Variants in SEMA3A observed in about 807,000 individuals in gnomAD.
SEMA3A encodes the protein semaphorin-3A.
Under a neutral mutation model 97.9 loss-of-function variants are expected in SEMA3A, and 29 were observed. That is an observed-to-expected ratio of 0.30 (90% CI 0.22 to 0.40). The LOEUF (loss-of-function observed/expected upper bound fraction) is 0.40, where lower values mean the gene tolerates loss of function less well. Ranked by LOEUF, SEMA3A falls within the 10% of genes least tolerant of loss-of-function variation. SEMA3A has a pLI of 1.00. For synonymous variants in SEMA3A, 321 were observed against 323.7 expected (o/e 0.99, Z 0.09); for missense variants, 763 against 951.3 (o/e 0.80, Z 2.60).
intron 3 of SEMA3A, among the ~76,000 whole-genome samples, chr7:84,288,309 T>G (rs139282198): frequency 5.9e-5 from 9 of 152,276 alleles, no homozygotes; most frequent in Non-Finnish European, 8.8e-5. Flanking sequence ...TTAAACGAAT[T>G]AAATTTATGC....
rs868749359 is a variant in SEMA3A at position 83,993,221 on chromosome 7, G to A, written c.1453-7744C>T. On this transcript the variant is annotated intron_variant, in intron 12 of 16. Transcript: ENST00000265362. ...TGAGCGTATGTGTGTCTCTGCACGT[G>A]AGATGGGTGTCCTGAATACAGCACA... Among the ~76,000 whole-genome samples, 160 of 97,922 alleles carry A rather than the reference G, an allele frequency of 1.6e-3. 1 individual carries two copies. The highest frequency in any genetic ancestry group is 1.8e-3 in the Non-Finnish European group (86 of 46,792). 64.2% of individuals were successfully genotyped at this position (97,922 alleles called of 152,430 possible).
intron 4 of SEMA3A, among the ~76,000 whole-genome samples, chr7:84,102,674 G>A (rs1016233868): frequency 1.4e-5 from 2 of 143,940 alleles, no homozygotes; most frequent in South Asian, 2.2e-4. Flanking sequence ...TCGGCCTCCC[G>A]GGTTCAAGCA....
chr7:84,400,232 A>G lies in SEMA3A; in HGVS notation c.-245-28332T>C, dbSNP rs145921038. On this transcript the variant is annotated intron_variant, in intron 1 of 3. Coordinates refer to the SEMA3A transcript ENST00000424555. ...AATAGTCTTCAATGCCCAGACATCA[A>G]TGAATGTCCACAAGCATCAAGGACG... Among the ~76,000 whole-genome samples, 7 of 152,296 alleles carry G rather than the reference A, an allele frequency of 4.6e-5. No individual in the cohort carries two copies. The South Asian group carries it at 6.2e-4, about 14-fold the overall frequency.
At chr7:84,302,159 G>A (rs1222140285) in intron 3 of SEMA3A, among the ~76,000 whole-genome samples, 1 of 151,934 alleles carries the variant, frequency 6.6e-6, no homozygotes, top group Non-Finnish European at 1.5e-5. Context: ...TAAATTATTT[G>A]CTAAGTGAAA....
intron 1 of SEMA3A, among the ~76,000 whole-genome samples, chr7:84,373,140 A>T (rs1803012270): frequency 6.6e-6 from 1 of 152,182 alleles, no homozygotes; most frequent in Admixed American, 6.6e-5. Flanking sequence ...GCCCCAGCCA[A>T]GCCCAGACTA....
Position 84,043,335 on chromosome 7 carries a change from T to TA in SEMA3A, c.667+2988dup, listed in dbSNP as rs1006565814. Reference sequence around the variant, plus strand: ...TTATGAAAGTAGTGAAACTCCATTTTAAAAAATCAAGATATTTCAAGTTAC... The same window carrying TA: ...TTATGAAAGTAGTGAAACTCCATTTTAAAAAAATCAAGATATTTCAAGTTAC... On this transcript the variant is annotated intron_variant, in intron 6 of 16. Coordinates refer to ENST00000265362, the MANE Select transcript of SEMA3A (RefSeq NM_006080.3). 2.0e-5 allele frequency among the ~76,000 whole-genome samples: 3 copies of TA among 152,060 alleles called. No homozygotes were observed. In the East Asian group the frequency reaches 5.8e-4, roughly 29 times the overall value.
chr7:84,318,728 C>A (rs998605311), intron 2 of SEMA3A, among the ~76,000 whole-genome samples: 3 of 152,116 alleles, frequency 2.0e-5, no homozygotes, highest in Admixed American at 6.5e-5. Context: ...TATTTTTCAA[C>A]AGCCACTCTT....
At chr7:84,174,826 T>C (rs868180944) in intron 1 of SEMA3A, among the ~76,000 whole-genome samples, 3 of 152,216 alleles carry the variant, frequency 2.0e-5, no homozygotes, top group African/African-American at 7.2e-5. Context: ...CAGAAGATTT[T>C]AGGTGTTGTT....
chr7:84,394,879 G>T (rs1010759099), intron 1 of SEMA3A, among the ~76,000 whole-genome samples: 1 of 152,046 alleles, frequency 6.6e-6, no homozygotes, highest in Non-Finnish European at 1.5e-5. Context: ...ATTCACAAAG[G>T]TTAGAAACAG....
intron 7 of SEMA3A, among the ~76,000 whole-genome samples, chr7:84,013,395 C>A (rs17158507): frequency 0.13 from 19,934 of 152,038 alleles, 1,624 homozygotes; most frequent in East Asian, 0.37. Flanking sequence ...AGTGAAATAC[C>A]TCAGATAGTT....
chr7:84,105,633 G>A (rs570034587), intron 4 of SEMA3A, among the ~76,000 whole-genome samples: 10 of 152,018 alleles, frequency 6.6e-5, no homozygotes, highest in African/African-American at 2.2e-4. Flanking sequence ...AAGTAGAAAA[G>A]ACCCATTTGG....
At chr7:84,387,734 A>C (rs1190259360) in intron 1 of SEMA3A, among the ~76,000 whole-genome samples, 1 of 152,200 alleles carries the variant, frequency 6.6e-6, no homozygotes, top group Non-Finnish European at 1.5e-5. Context: ...AAAGAAACAG[A>C]TCTCTTTAAA....
intron 2 of SEMA3A, among the ~76,000 whole-genome samples, chr7:84,311,177 G>A (rs1434180858): frequency 6.6e-6 from 1 of 151,796 alleles, no homozygotes; most frequent in Non-Finnish European, 1.5e-5. Flanking sequence ...CAAGGTTTTA[G>A]GTGCAAAATT....
chr7:84,185,501 A>G (rs71558715), intron 1 of SEMA3A, among the ~76,000 whole-genome samples: 9,542 of 151,756 alleles, frequency 0.063, 349 homozygotes, highest in African/African-American at 0.092. Flanking sequence ...GTGAAACACC[A>G]TCTCTACTAA....
chr7:84,159,727 T>A (rs1796967753), intron 1 of SEMA3A, among the ~76,000 whole-genome samples: 1 of 152,142 alleles, frequency 6.6e-6, no homozygotes, highest in Admixed American at 6.6e-5. Flanking sequence ...AAAAAAATAG[T>A]TAGACCCTTA....
At chr7:84,081,436 CA>C (rs1229865550) in intron 4 of SEMA3A, among the ~76,000 whole-genome samples, 29 of 151,722 alleles carry the variant, frequency 1.9e-4, no homozygotes, top group South Asian at 4.2e-4. Context: ...ACTAAAAATA[CA>C]AAAAAATTAT....
intron 2 of SEMA3A, among the ~76,000 whole-genome samples, chr7:84,344,503 G>C (rs1442005571): frequency 1.3e-5 from 2 of 152,068 alleles, no homozygotes; most frequent in Non-Finnish European, 2.9e-5. Context: ...TGAGGATATA[G>C]GACTAAGTTC....
intron 9 of SEMA3A, among the ~76,000 whole-genome samples, chr7:84,008,280 A>C (rs2116404510): frequency 6.6e-6 from 1 of 152,256 alleles, no homozygotes. Flanking sequence ...TCACAAGGTC[A>C]AGAGATCGAG....
At chr7:84,018,277 G>A (rs1010022416) in intron 6 of SEMA3A, among the ~76,000 whole-genome samples, 2 of 151,840 alleles carry the variant, frequency 1.3e-5, no homozygotes, top group Admixed American at 1.3e-4. Context: ...TAAGTCTAAG[G>A]TCTCTCACTA....
Sources: gnomAD v4.1 joint callset for allele counts (sites outside exome capture counted in the v4.1 genomes callset) on GRCh38, gnomAD v4.1.1 for gene constraint, MANE v1.5 for transcripts, NCBI Gene and HGNC (gene_info 2026-07-23, HGNC 2026-07-21) for gene names.